Variants in NTM observed in about 807,000 individuals in gnomAD.
NTM encodes neurotrimin, also known as IgLON family member 2.
A neutral mutation model predicts 42.1 loss-of-function variants in NTM; 13 were observed. The ratio of observed to expected loss-of-function variants is 0.31; its 90% CI spans 0.20 to 0.49. The LOEUF is 0.49. NTM is among the 20% of genes least tolerant of loss of function. The pLI is 0.99. For synonymous variants in NTM, 187 were observed against 179.2 expected, an observed-to-expected ratio of 1.04 and a Z score of -0.35; for missense variants, 373 against 452.8, an observed-to-expected ratio of 0.82 and a Z score of 1.60.
intron 4 of NTM, among the ~76,000 whole-genome samples, chr11:132,267,450 C>A (rs561756063): frequency 1.9e-4 from 28 of 151,162 alleles, no homozygotes; most frequent in African/African-American, 6.1e-4. Context: ...CAAATCCACA[C>A]GCAAGCCCTT....
At chr11:132,307,512 G>A in intron 4 of NTM, 177 bp from the exon 5 acceptor site, 1 of 302,198 alleles carries the variant, frequency 3.3e-6, no homozygotes, top group Non-Finnish European at 4.9e-6. Flanking sequence ...GGAAAAGTTG[G>A]TGGTGCGGAG....
intron 2 of NTM, among the ~76,000 whole-genome samples, chr11:131,913,166 TA>T (rs1364492423): frequency 1.3e-5 from 2 of 152,128 alleles, no homozygotes; most frequent in African/African-American, 4.8e-5. Flanking sequence ...ACTACTTAAA[TA>T]AAAAACCAAA....
intron 1 of NTM, among the ~76,000 whole-genome samples, chr11:131,648,354 A>G (rs1473554938): frequency 6.6e-6 from 1 of 152,240 alleles, no homozygotes; most frequent in Admixed American, 6.5e-5. Context: ...CTGGGTATGT[A>G]TATATACCCA....
chr11:132,275,406 G>A (rs2093665718), intron 4 of NTM, among the ~76,000 whole-genome samples: 1 of 151,924 alleles, frequency 6.6e-6, no homozygotes, highest in Non-Finnish European at 1.5e-5. Flanking sequence ...ATCAATCCTT[G>A]TGCCAATGCC....
intron 1 of NTM, among the ~76,000 whole-genome samples, chr11:131,693,140 C>T (rs770713815): frequency 2.6e-5 from 4 of 151,998 alleles, no homozygotes; most frequent in Non-Finnish European, 5.9e-5. Flanking sequence ...GCATGGGGGT[C>T]AGGGCAGAGG....
intron 1 of NTM, among the ~76,000 whole-genome samples, chr11:131,680,986 TGTGA>T (rs2072605666): frequency 2.6e-5 from 1 of 38,236 alleles, no homozygotes; most frequent in Admixed American, 3.7e-4. Context: ...TCCCTGTGTG[TGTGA>T]GCGTGTGTGT....
chr11:131,499,813 C>A (rs761877405), intron 1 of NTM, among the ~76,000 whole-genome samples: 4 of 152,208 alleles, frequency 2.6e-5, no homozygotes, highest in Non-Finnish European at 5.9e-5. Context: ...CGCGTCAATG[C>A]GCTCTGCATT....
At chr11:132,123,178 G>C (rs757560780) in intron 2 of NTM, among the ~76,000 whole-genome samples, 2 of 152,140 alleles carry the variant, frequency 1.3e-5, no homozygotes, top group Non-Finnish European at 2.9e-5. Context: ...TGAGGGATCA[G>C]CATGAGGGCC....
At chr11:131,473,654 C>T (rs1952653798) in intron 1 of NTM, among the ~76,000 whole-genome samples, 1 of 152,080 alleles carries the variant, frequency 6.6e-6, no homozygotes, top group African/African-American at 2.4e-5. Flanking sequence ...AAAATGGAAG[C>T]CAATGAGGCG....
chr11:132,264,360 G>A (rs1047378167), intron 4 of NTM, among the ~76,000 whole-genome samples: 10 of 152,192 alleles, frequency 6.6e-5, no homozygotes, highest in African/African-American at 2.2e-4. Flanking sequence ...TTATCATTTT[G>A]AAAATTGATC....
At chr11:131,950,837 C>T (rs1345664167) in intron 2 of NTM, among the ~76,000 whole-genome samples, 1 of 152,206 alleles carries the variant, frequency 6.6e-6, no homozygotes, top group Non-Finnish European at 1.5e-5. Flanking sequence ...CTTCTTCCTC[C>T]ACTTCCTTCT....
intron 1 of NTM, among the ~76,000 whole-genome samples, chr11:131,732,612 A>G (rs2079837759): frequency 6.6e-6 from 1 of 152,228 alleles, no homozygotes; most frequent in Non-Finnish European, 1.5e-5. Flanking sequence ...TCATTCACAG[A>G]AAGTCTCATT....
chr11:131,610,413 G>A (rs1377323272), intron 1 of NTM, among the ~76,000 whole-genome samples: 1 of 152,178 alleles, frequency 6.6e-6, no homozygotes, highest in Admixed American at 6.5e-5. Context: ...TTGGCCCACG[G>A]AATTCATTAG....
intron 1 of NTM, among the ~76,000 whole-genome samples, chr11:131,604,715 C>CT (rs1565695715): frequency 7.3e-5 from 3 of 41,186 alleles, no homozygotes; most frequent in Admixed American, 3.5e-4. Context: ...TTTTTCTTTC[C>CT]TTTTTTTGGG....
intron 1 of NTM, among the ~76,000 whole-genome samples, chr11:131,812,852 T>C (rs1300804487): frequency 1.3e-5 from 2 of 152,068 alleles, no homozygotes; most frequent in African/African-American, 2.4e-5. Context: ...TTCAAGGGCC[T>C]GTGAGGAGCT....
intron 2 of NTM, among the ~76,000 whole-genome samples, chr11:131,991,937 A>G (rs1018214402): frequency 2.6e-5 from 4 of 152,174 alleles, no homozygotes; most frequent in Non-Finnish European, 4.4e-5. Flanking sequence ...TGAAGTGCTT[A>G]TAGTCCGTGT....
intron 1 of NTM, among the ~76,000 whole-genome samples, chr11:131,883,692 T>C (rs1056090240): frequency 6.6e-6 from 1 of 152,150 alleles, no homozygotes; most frequent in Non-Finnish European, 1.5e-5. Context: ...GTCTGAAATA[T>C]TAAAGCAAAA....
intron 1 of NTM, chr11:131,909,953 AT>A (rs2054450773): frequency 6.6e-6 from 1 of 152,260 alleles, no homozygotes; most frequent in Non-Finnish European, 1.5e-5. Context: ...CAGGCCCAGC[AT>A]CTTTTAATGG....
chr11:131,621,068 T>G (rs1250708949), intron 1 of NTM, among the ~76,000 whole-genome samples: 4 of 152,184 alleles, frequency 2.6e-5, no homozygotes, highest in Non-Finnish European at 4.4e-5. Context: ...TGATGTAGCA[T>G]GTGAGAGCAG....
Sources: gnomAD v4.1 joint callset for allele counts (sites outside exome capture counted in the v4.1 genomes callset) on GRCh38, gnomAD v4.1.1 for gene constraint, MANE v1.5 for transcripts, NCBI Gene and HGNC (gene_info 2026-07-23, HGNC 2026-07-21) for gene names.